Variants in MLPH observed in about 807,000 individuals in gnomAD.
MLPH encodes the protein melanophilin.
MLPH carries 51 observed loss-of-function variants against 72.1 expected under a neutral mutation model. The ratio of observed to expected loss-of-function variants is 0.71; its 90% CI spans 0.56 to 0.89. The LOEUF (loss-of-function observed/expected upper bound fraction) is 0.89, where lower values mean the gene tolerates loss of function less well. Among genes scored for constraint, MLPH ranks in the 40% least tolerant of loss-of-function variants. The pLI, the probability that MLPH is intolerant of heterozygous loss-of-function variation, is 0.00. For missense variants in MLPH, 743 were observed against 759.9 expected, an observed-to-expected ratio of 0.98 and a Z score of 0.26; for synonymous variants, 301 against 310.1, an observed-to-expected ratio of 0.97 and a Z score of 0.31.
intron 12 of MLPH, among the ~76,000 whole-genome samples, chr2:237,544,477 T>G (rs1574907762): frequency 2.6e-5 from 1 of 37,932 alleles, no homozygotes. Flanking sequence ...GTGGGGACAG[T>G]GGTGAGTGGG....
chr2:237,494,009 G>A (rs757830651), intron 2 of MLPH, among the ~76,000 whole-genome samples: 2 of 152,160 alleles, frequency 1.3e-5, no homozygotes, highest in Non-Finnish European at 2.9e-5. Flanking sequence ...CAGTGACTGG[G>A]CTAAAACCCA....
chr2:237,500,410 A>G (rs186762125), intron 2 of MLPH, among the ~76,000 whole-genome samples: 4 of 152,378 alleles, frequency 2.6e-5, no homozygotes, highest in Admixed American at 6.5e-5. Context: ...GAGCACCAGA[A>G]GTGTGGCTAA....
Position 237,510,642 on chromosome 2 carries a change from A to G in MLPH, c.179A>G (p.Asn60Ser). The change falls in exon 3 of 16, where the codon AAC becomes AGC. Residue 60 changes from asparagine to serine, a missense_variant. Physicochemically the swap from Asn to Ser is conservative, Grantham distance 46. Coordinates refer to ENST00000264605, the MANE Select transcript of MLPH (RefSeq NM_024101.7). This position sits in a 1 kb window ranked among gnomAD's most constrained non-coding sequence, Gnocchi z 4.4. ...RELLSDTAHL[N>S]ETHCARCLQP... ...CTGCTTTCCGACACTGCCCATCTGAACGAGACCCACTGCGCCCGCTGCCTG... is the reference window on the plus strand; with the variant it reads ...CTGCTTTCCGACACTGCCCATCTGAGCGAGACCCACTGCGCCCGCTGCCTG... 1 of 1,613,770 alleles carries G rather than the reference A, an allele frequency of 6.2e-7. No individual in the cohort carries two copies.
chr2:237,524,906 G>C (rs935236920), intron 6 of MLPH, among the ~76,000 whole-genome samples: 2 of 152,222 alleles, frequency 1.3e-5, no homozygotes, highest in Admixed American at 6.5e-5. Context: ...CCCTCCAGGA[G>C]GAGGGGGAAG....
At chr2:237,542,420 T>G in intron 11 of MLPH, 147 bp from the exon 12 acceptor site, 4 of 703,940 alleles carry the variant, frequency 5.7e-6, no homozygotes, top group East Asian at 2.8e-5. Flanking sequence ...AACATGGGCA[T>G]GGGGCTGTGA....
At chr2:237,491,919 C>G (rs540545297) in intron 1 of MLPH, among the ~76,000 whole-genome samples, 1 of 152,212 alleles carries the variant, frequency 6.6e-6, no homozygotes, top group Non-Finnish European at 1.5e-5. Context: ...CTCTGTGACT[C>G]GCCGCCCACT....
intron 1 of MLPH, among the ~76,000 whole-genome samples, chr2:237,489,007 A>G (rs542596844): frequency 1.3e-5 from 2 of 151,864 alleles, no homozygotes; most frequent in African/African-American, 4.8e-5. Context: ...ACATCCTGGC[A>G]TCATCCAGGG....
chr2:237,506,023 G>A (rs879527452), intron 2 of MLPH, among the ~76,000 whole-genome samples: 14 of 152,104 alleles, frequency 9.2e-5, no homozygotes, highest in Admixed American at 2.6e-4. Flanking sequence ...GTCTCCCATC[G>A]CTTAGTCCCT....
intron 5 of MLPH, among the ~76,000 whole-genome samples, chr2:237,519,051 A>G (rs1463801619): frequency 1.3e-5 from 2 of 150,316 alleles, no homozygotes; most frequent in African/African-American, 4.9e-5. Context: ...CTCCTCTAAG[A>G]CCTTTTCTCC....
In MLPH at chr2:237,524,302, A is replaced by AATATATATATATATATATATAT. The variant is rs139706602; in HGVS notation, c.676-1280_676-1279insTATATATATATATATATATATA. Among the ~76,000 whole-genome samples, 202 of 127,300 alleles carry AATATATATATATATATATATAT rather than the reference A, an allele frequency of 1.6e-3. 12 individuals are homozygous for AATATATATATATATATATATAT. The highest frequency in any genetic ancestry group is 6.5e-3 in the African/African-American group (158 of 24,288). The allele number at this position is 127,300 out of a possible 152,430, so 83.5% of individuals were successfully genotyped here. A position where few individuals can be genotyped will look rare whatever the true frequency, so the allele number is the denominator to read the frequency against. On this transcript the variant is annotated intron_variant, in intron 6 of 15. Transcript: ENST00000264605. Reference sequence around the variant, plus strand: ...TTTCTTAGAGGGACAGAACTAATAGAATATATATATATATATATAAAGGGG... The same window carrying AATATATATATATATATATATAT: ...TTTCTTAGAGGGACAGAACTAATAGAATATATATATATATATATATATATATATATATATATATATAAAGGGG...
chr2:237,545,286 CT>C (rs1157777592), intron 12 of MLPH, among the ~76,000 whole-genome samples: 4 of 151,300 alleles, frequency 2.6e-5, no homozygotes, highest in South Asian at 2.1e-4. Context: ...TTGGTGCCCC[CT>C]GAGGCCTCCC....
chr2:237,542,621 A>G lies in MLPH; in HGVS notation c.1501A>G (p.Lys501Glu). 1 of 1,593,328 alleles carries G rather than the reference A, an allele frequency of 6.3e-7. No homozygotes were observed. Among genetic ancestry groups the G allele is most frequent in the African/African-American group, 1.3e-5 (1 of 74,472 alleles). ...CCTGAGGGCCGCAGGGCTCACGGTGAAGCCCTCGGGAAAGCCCCGGAGGAA... is the reference window on the plus strand; with the variant it reads ...CCTGAGGGCCGCAGGGCTCACGGTGGAGCCCTCGGGAAAGCCCCGGAGGAA... ...AALRAAGLTV[K>E]PSGKPRRKSN... The change falls in exon 12 of 16, where the codon AAG (lysine) becomes GAG (glutamate). Residue 501 changes from lysine (K) to glutamate (E), a missense_variant. Transcript: ENST00000264605.
At chr2:237,519,441 T>C (rs183456260) in intron 5 of MLPH, among the ~76,000 whole-genome samples, 2 of 152,358 alleles carry the variant, frequency 1.3e-5, no homozygotes, top group East Asian at 3.9e-4. Context: ...AAAAGAATTA[T>C]AATGAAATAG....
At chr2:237,532,093 G>A (rs919742402) in intron 8 of MLPH, among the ~76,000 whole-genome samples, 5 of 152,196 alleles carry the variant, frequency 3.3e-5, no homozygotes, top group South Asian at 2.1e-4. Flanking sequence ...ATGCAGCAGC[G>A]ATCCTGTACT....
chr2:237,508,851 C>T (rs2079831058), intron 2 of MLPH, among the ~76,000 whole-genome samples: 1 of 152,204 alleles, frequency 6.6e-6, no homozygotes, highest in Non-Finnish European at 1.5e-5. Context: ...TGAGACTGCA[C>T]GTACTTGCTT....
Position 237,512,640 on chromosome 2 carries a change from C to G in MLPH, c.445+1539C>G, listed in dbSNP as rs1553594691. Among the ~76,000 whole-genome samples, 1 of 152,104 alleles carries G rather than the reference C, an allele frequency of 6.6e-6. No homozygotes were observed. Among genetic ancestry groups the G allele is most frequent in the African/African-American group, 2.4e-5 (1 of 41,406 alleles). On this transcript the variant is annotated intron_variant, in intron 4 of 15. Coordinates refer to ENST00000264605, the MANE Select transcript of MLPH (RefSeq NM_024101.7). The surrounding 1 kb of genome is among the most constrained non-coding windows in gnomAD (Gnocchi z 5.5). The stretch of plus-strand genomic sequence containing the variant: ...CACCTCCCCACACGCACACGGCCAG[C>G]CTGGAGCCCACAGAAGGGTCCTCCT...
intron 9 of MLPH, among the ~76,000 whole-genome samples, chr2:237,539,057 G>A (rs540703222): frequency 1.3e-5 from 2 of 152,182 alleles, no homozygotes; most frequent in African/African-American, 4.8e-5. Context: ...GCGGGTGGGC[G>A]CGCAGAGGCT....
chr2:237,512,124 C>T lies in MLPH; in HGVS notation c.445+1023C>T, dbSNP rs1017887056. 6.6e-6 allele frequency among the ~76,000 whole-genome samples: 1 copy of T among 152,252 alleles called. No individual in the cohort carries two copies. The highest frequency in any genetic ancestry group is 1.5e-5 in the Non-Finnish European group (1 of 68,042). The stretch of plus-strand genomic sequence containing the variant: ...AGCGCCTGGCTCCGGCAGCTGGGCA[C>T]GTCCAGGGCAGAGGCTGTGCTTCTG... On this transcript the variant is annotated intron_variant, in intron 4 of 15. Transcript: ENST00000264605. This position sits in a 1 kb window ranked among gnomAD's most constrained non-coding sequence, Gnocchi z 5.5.
intron 9 of MLPH, among the ~76,000 whole-genome samples, chr2:237,538,143 C>T (rs768724004): frequency 1.7e-4 from 26 of 152,304 alleles, no homozygotes; most frequent in Non-Finnish European, 2.9e-4. Flanking sequence ...TGAACAAAGT[C>T]GACAAAAACG....
Sources: gnomAD v4.1 joint callset for allele counts (sites outside exome capture counted in the v4.1 genomes callset) on GRCh38, gnomAD v4.1.1 for gene constraint, Gnocchi (gnomAD v3.1) non-coding constraint, MANE v1.5 for transcripts, NCBI Gene and HGNC (gene_info 2026-07-23, HGNC 2026-07-21) for gene names.